Variants in PPCDC observed in about 807,000 individuals in gnomAD.
The protein encoded by PPCDC is phosphopantothenoylcysteine decarboxylase.
Under a neutral mutation model 20.7 loss-of-function variants are expected in PPCDC, and 20 were observed. That is an observed-to-expected ratio of 0.97 (90% CI 0.68 to 1.41). The LOEUF is 1.41. Ranked by LOEUF, PPCDC falls within the 40% of genes most tolerant of loss-of-function variation. PPCDC has a pLI of 0.00. For missense variants in PPCDC, 246 were observed against 263.8 expected (o/e 0.93, Z 0.47); for synonymous variants, 88 against 100.3 (o/e 0.88, Z 0.73).
At chr15:75,032,250 C>T (rs2066030159) in intron 2 of PPCDC, among the ~76,000 whole-genome samples, 1 of 152,164 alleles carries the variant, frequency 6.6e-6, no homozygotes, top group African/African-American at 2.4e-5. Context: ...AAGGGGATTT[C>T]TAAAGATAGA....
rs2066304820 is a variant in PPCDC, at chr15:75,050,706, TAAACTA to T, written c.*1472_*1477del. The T allele has an allele frequency of 6.6e-6, 1 of 152,250 alleles. No homozygotes were observed. Among genetic ancestry groups the T allele is most frequent in the South Asian group, 2.1e-4 (1 of 4,830 alleles). The allele number at this position is 152,250 out of a possible 1,614,324, so 9.4% of individuals were successfully genotyped here. The stretch of plus-strand genomic sequence containing the variant: ...GATAAAATTGCCTTAGGGTATGAAA[TAAACTA>T]TAACTAAAATGGTAGCATCAAGAAC... On this transcript the variant is annotated 3_prime_UTR_variant, in exon 6 of 6. Coordinates refer to ENST00000342932, the MANE Select transcript of PPCDC (RefSeq NM_021823.5).
At chr15:75,037,918 GA>G (rs2066105610) in intron 2 of PPCDC, among the ~76,000 whole-genome samples, 2 of 152,118 alleles carry the variant, frequency 1.3e-5, no homozygotes, top group African/African-American at 4.8e-5. Context: ...TGACCTACAG[GA>G]AGTGTGGGAA....
intron 2 of PPCDC, among the ~76,000 whole-genome samples, chr15:75,030,827 G>A (rs1567048494): frequency 6.6e-6 from 1 of 152,144 alleles, no homozygotes; most frequent in Non-Finnish European, 1.5e-5. Context: ...TACAGATCTG[G>A]CCCATCACTG....
In PPCDC at chr15:75,037,206, G is replaced by A. The variant is rs193056626; in HGVS notation, c.136-6235G>A. Reference sequence around the variant, plus strand: ...GGTCCCATGAGCAGAAGCAGGCAGTGTATTAGCAGAGATGTGGTCTCTGGC... The same window carrying A: ...GGTCCCATGAGCAGAAGCAGGCAGTATATTAGCAGAGATGTGGTCTCTGGC... On this transcript the variant is annotated intron_variant, in intron 2 of 5. Transcript: ENST00000342932. Among the ~76,000 whole-genome samples, 8 of 152,314 alleles carry A rather than the reference G, an allele frequency of 5.3e-5. No homozygotes were observed. In the East Asian group the frequency reaches 1.5e-3, roughly 29 times the overall value.
intron 1 of PPCDC, among the ~76,000 whole-genome samples, chr15:75,025,668 T>C (rs1433648520): frequency 6.6e-6 from 1 of 152,182 alleles, no homozygotes; most frequent in Non-Finnish European, 1.5e-5. Context: ...ACTTGCCAAC[T>C]CTTTTTGCTG....
At chr15:75,024,771 T>C (rs186240480) in intron 1 of PPCDC, among the ~76,000 whole-genome samples, 9 of 151,850 alleles carry the variant, frequency 5.9e-5, no homozygotes, top group Non-Finnish European at 1.0e-4. Context: ...CTCCCTGGGC[T>C]CAGATAATCC....
At chr15:75,026,299 A>T (rs1354893154) in intron 1 of PPCDC, among the ~76,000 whole-genome samples, 1 of 152,156 alleles carries the variant, frequency 6.6e-6, no homozygotes, top group Non-Finnish European at 1.5e-5. Flanking sequence ...CCTACCAATG[A>T]TGTGTTCTGG....
At position 75,044,480 on chromosome 15, in the gene PPCDC, G is replaced by A; in HGVS notation, c.326G>A (p.Gly109Glu). The A allele has an allele frequency of 6.2e-7, 1 of 1,614,194 alleles. No individual in the cohort carries two copies. The highest frequency in any genetic ancestry group is 8.5e-7 in the Non-Finnish European group (1 of 1,180,010). ...GCTCCTCTTGATGCCAACACTCTGG[G>A]GAAGGTGGCCAGTGGCATCTGTGAC... ...LVAPLDANTL[G>E]KVASGICDNL... Residue 109 changes from glycine (G) to glutamate (E), a missense_variant, in exon 4 of 6, where the codon GGG (glycine) becomes GAG (glutamate). Transcript: ENST00000342932.
At chr15:75,046,760 C>T (rs551543313) in intron 4 of PPCDC, among the ~76,000 whole-genome samples, 2 of 152,394 alleles carry the variant, frequency 1.3e-5, no homozygotes, top group African/African-American at 4.8e-5. Context: ...TTTCCAGCGC[C>T]CAGGGCATGG....
chr15:75,029,092 G>A (rs188827487), intron 2 of PPCDC, among the ~76,000 whole-genome samples: 1 of 152,238 alleles, frequency 6.6e-6, no homozygotes, highest in African/African-American at 2.4e-5. Context: ...TTTAAACAGC[G>A]TGAAATCTAA....
rs191417053 is a variant in PPCDC, at chr15:75,049,133, C to A, written c.530-17C>A. On this transcript the variant is annotated splice_polypyrimidine_tract_variant and intron_variant, in intron 5 of 5. Transcript: ENST00000342932. ...GCACTGTTGGCCTGTCTGGCCACAG[C>A]GGAATTTTGCTCCCAGGTCTCGGGG... 5 of 1,611,120 alleles carry A rather than the reference C, an allele frequency of 3.1e-6. No homozygotes were observed. The Admixed American group carries it at 6.7e-5, about 21-fold the overall frequency.
intron 2 of PPCDC, among the ~76,000 whole-genome samples, chr15:75,031,510 C>A (rs1385715724): frequency 6.6e-6 from 1 of 152,108 alleles, no homozygotes; most frequent in Non-Finnish European, 1.5e-5. Context: ...AGTTCGAGAC[C>A]ACCCTAGCCA....
intron 2 of PPCDC, among the ~76,000 whole-genome samples, chr15:75,033,368 A>C (rs1252529631): frequency 6.6e-6 from 1 of 152,130 alleles, no homozygotes; most frequent in African/African-American, 2.4e-5. Context: ...GTGTTCTTAT[A>C]CTGAGTTACT....
intron 2 of PPCDC, among the ~76,000 whole-genome samples, chr15:75,032,390 T>C (rs1373121676): frequency 1.3e-5 from 2 of 152,158 alleles, no homozygotes; most frequent in Non-Finnish European, 2.9e-5. Context: ...CAGTGTGGAG[T>C]AAATTCTGAC....
At chr15:75,031,689 G>A (rs969340724) in intron 2 of PPCDC, among the ~76,000 whole-genome samples, 7 of 152,122 alleles carry the variant, frequency 4.6e-5, no homozygotes, top group African/African-American at 1.4e-4. Flanking sequence ...GGGTAACAGA[G>A]CAAGACTCCA....
chr15:75,043,361 C>T (rs753452269), intron 2 of PPCDC, 80 bp from the exon 3 acceptor site: 147 of 1,263,626 alleles, frequency 1.2e-4, no homozygotes, highest in Middle Eastern at 1.1e-3. Flanking sequence ...CCTGCCCTGA[C>T]CCTCCTGTGG....
At chr15:75,044,645 T>G in intron 4 of PPCDC, 131 bp downstream of exon 4, 2 of 1,249,732 alleles carry the variant, frequency 1.6e-6, no homozygotes, top group Non-Finnish European at 2.2e-6. Context: ...TGCTCCGCCA[T>G]TCCCCACATC....
chr15:75,048,937 G>A (rs188497820), intron 5 of PPCDC, among the ~76,000 whole-genome samples: 10 of 152,298 alleles, frequency 6.6e-5, no homozygotes, highest in African/African-American at 2.2e-4. Context: ...TCCCTGGCAC[G>A]CAGCCCACAC....
chr15:75,031,356 A>G (rs1310614399), intron 2 of PPCDC, among the ~76,000 whole-genome samples: 7 of 152,192 alleles, frequency 4.6e-5, no homozygotes, highest in East Asian at 1.9e-4. Flanking sequence ...AGCCTGGCCC[A>G]TGCAGGGGAG....
Sources: allele counts gnomAD v4.1 joint callset (sites outside exome capture counted in the v4.1 genomes callset), GRCh38; gene constraint gnomAD v4.1.1; transcripts MANE v1.5; gene names NCBI Gene and HGNC (gene_info 2026-07-23, HGNC 2026-07-21).